Variants in RTL4 observed in about 807,000 individuals in gnomAD.
RTL4 encodes retrotransposon Gag-like protein 4.
Under a neutral mutation model 5.3 loss-of-function variants are expected in RTL4, and 4 were observed. The ratio of observed to expected loss-of-function variants is 0.75; its 90% CI spans 0.37 to 1.72. The LOEUF (loss-of-function observed/expected upper bound fraction) is 1.72, where lower values mean the gene tolerates loss of function less well. RTL4 is among the 40% of genes most tolerant of loss of function. The probability of loss-of-function intolerance (pLI) is 0.04; values close to 1 mark genes in which losing one functional copy is unlikely to be tolerated. For missense variants in RTL4, 260 were observed against 227.1 expected (o/e 1.14, Z -0.93); for synonymous variants, 98 against 87.3 (o/e 1.12, Z -0.68).
the RTL4 span, among the ~76,000 whole-genome samples, chrX:112,189,414 A>C: frequency 8.9e-6 from 1 of 112,238 alleles, no homozygotes; most frequent in Admixed American, 9.5e-5. Context: ...AATAAGCAAT[A>C]ATAACATACA....
chrX:112,131,417 T>C, the RTL4 span, among the ~76,000 whole-genome samples: 1 of 111,456 alleles, frequency 9.0e-6, no homozygotes, highest in Non-Finnish European at 1.9e-5. Context: ...ATGGCACCCA[T>C]GGCCTCATTT....
chrX:112,195,677 T>G, the RTL4 span, among the ~76,000 whole-genome samples: 1 of 111,455 alleles, frequency 9.0e-6, no homozygotes. Context: ...CACATAGGAT[T>G]CTAGTTAATG....
the RTL4 span, among the ~76,000 whole-genome samples, chrX:112,301,013 A>G: frequency 2.7e-5 from 3 of 111,682 alleles, no homozygotes; most frequent in East Asian, 8.5e-4. Context: ...GAGTATATCA[A>G]TGAGAGTTAG....
chrX:112,401,689 C>G, the RTL4 span, among the ~76,000 whole-genome samples: 1 of 111,443 alleles, frequency 9.0e-6, no homozygotes, highest in Non-Finnish European at 1.9e-5. Context: ...CATTACCTTA[C>G]CCACTTCCTG....
chrX:112,317,452 T>A, the RTL4 span, among the ~76,000 whole-genome samples: 1 of 112,088 alleles, frequency 8.9e-6, no homozygotes, highest in Non-Finnish European at 1.9e-5. Context: ...GAACGACTAG[T>A]GCAGAATAAA....
chrX:112,264,832 T>G, the RTL4 span, among the ~76,000 whole-genome samples: 1 of 112,287 alleles, frequency 8.9e-6, no homozygotes, highest in Non-Finnish European at 1.9e-5. Flanking sequence ...TGGAATTGTC[T>G]TTGGACTTGG....
chrX:112,190,962 A>G, the RTL4 span, among the ~76,000 whole-genome samples: 21 of 112,331 alleles, frequency 1.9e-4, no homozygotes, highest in African/African-American at 6.8e-4. Context: ...CCACTCAAAC[A>G]GAAAAATCCC....
the RTL4 span, among the ~76,000 whole-genome samples, chrX:112,179,139 A>G: frequency 9.0e-6 from 1 of 111,143 alleles, no homozygotes; most frequent in African/African-American, 3.3e-5. Flanking sequence ...GTTGCCCCCT[A>G]ATTAATGTGG....
At chrX:112,385,395 ATT>A in the RTL4 span, among the ~76,000 whole-genome samples, 45 of 105,508 alleles carry the variant, frequency 4.3e-4, no homozygotes, top group African/African-American at 5.5e-4. Flanking sequence ...GTAAAAGTGT[ATT>A]TTTTTTTTTG....
At chrX:112,178,911 A>G in the RTL4 span, among the ~76,000 whole-genome samples, 837 of 111,062 alleles carry the variant, frequency 7.5e-3, 6 homozygotes, top group Non-Finnish European at 0.012. Context: ...TTGTCAATTT[A>G]AAAAAAAAGA....
the RTL4 span, among the ~76,000 whole-genome samples, chrX:112,228,500 A>G: frequency 8.9e-6 from 1 of 112,692 alleles, no homozygotes; most frequent in Admixed American, 9.4e-5. Context: ...AATTAAATTA[A>G]CACATACACT....
chrX:112,231,414 C>T, the RTL4 span, among the ~76,000 whole-genome samples: 1 of 109,353 alleles, frequency 9.1e-6, no homozygotes, highest in Non-Finnish European at 1.9e-5. Flanking sequence ...GAGTTCATGT[C>T]CTTTGTAGGG....
the RTL4 span, among the ~76,000 whole-genome samples, chrX:112,401,360 A>G: frequency 6.3e-5 from 7 of 111,471 alleles, no homozygotes; most frequent in Admixed American, 6.7e-4. Flanking sequence ...GGGTCCAGGT[A>G]CCATCCCATC....
At chrX:112,234,287 T>C in the RTL4 span, among the ~76,000 whole-genome samples, 1 of 111,960 alleles carries the variant, frequency 8.9e-6, no homozygotes, top group Non-Finnish European at 1.9e-5. Context: ...TTATCTTCTG[T>C]AACTTAAAGG....
chrX:112,129,018 T>C, the RTL4 span, among the ~76,000 whole-genome samples: 8 of 111,369 alleles, frequency 7.2e-5, no homozygotes, highest in Non-Finnish European at 1.5e-4. Flanking sequence ...CACTTAAATG[T>C]AGTCAAAAGA....
At chrX:112,218,673 T>A in the RTL4 span, among the ~76,000 whole-genome samples, 1 of 111,680 alleles carries the variant, frequency 9.0e-6, no homozygotes, top group Non-Finnish European at 1.9e-5. Context: ...TTGCCTCTGA[T>A]TGTGATTCGG....
chrX:112,117,768 T>C, the RTL4 span, among the ~76,000 whole-genome samples: 1 of 111,987 alleles, frequency 8.9e-6, no homozygotes, highest in African/African-American at 3.2e-5. Context: ...ATTTTGACTA[T>C]GTCTTTAAAA....
chrX:112,275,891 C>T, the RTL4 span, among the ~76,000 whole-genome samples: 10 of 111,957 alleles, frequency 8.9e-5, no homozygotes, highest in Non-Finnish European at 1.7e-4. Context: ...GCTATGATCC[C>T]ACCACTGCAC....
the RTL4 span, among the ~76,000 whole-genome samples, chrX:112,113,741 A>T: frequency 8.9e-6 from 1 of 111,876 alleles, no homozygotes; most frequent in African/African-American, 3.3e-5. Context: ...GCAAGGGGGC[A>T]GCTTGTTTCT....
Sources: allele counts gnomAD v4.1 joint callset (sites outside exome capture counted in the v4.1 genomes callset), GRCh38; gene constraint gnomAD v4.1.1; transcripts MANE v1.5; gene names NCBI Gene and HGNC (gene_info 2026-07-23, HGNC 2026-07-21).